Variants in CDH11 observed in about 807,000 individuals in gnomAD.
The protein encoded by CDH11 is cadherin 11, also known as cadherin-11.
CDH11 carries 11 observed loss-of-function variants against 67.8 expected under a neutral mutation model. The observed-to-expected ratio is 0.16, with a 90% confidence interval of 0.10 to 0.27. CDH11 has a LOEUF of 0.27. CDH11 is among the 10% of genes least tolerant of loss of function. The probability of loss-of-function intolerance (pLI) is 1.00; values close to 1 mark genes in which losing one functional copy is unlikely to be tolerated. For missense variants in CDH11, 847 were observed against 1,031.2 expected (o/e 0.82, Z 2.45); for synonymous variants, 419 against 400.0 (o/e 1.05, Z -0.57).
intron 1 of CDH11, among the ~76,000 whole-genome samples, chr16:65,078,651 A>C (rs1281316342): frequency 6.6e-6 from 1 of 152,116 alleles, no homozygotes; most frequent in African/African-American, 2.4e-5. Context: ...TTTTTTGATC[A>C]ATAAGTCATC....
intron 2 of CDH11, among the ~76,000 whole-genome samples, chr16:65,022,580 G>A (rs1235891571): frequency 6.6e-6 from 1 of 152,164 alleles, no homozygotes; most frequent in Admixed American, 6.5e-5. Flanking sequence ...GTAGCAAAGT[G>A]TTAAAGTTAC....
At chr16:65,046,365 A>G (rs959231908) in intron 2 of CDH11, among the ~76,000 whole-genome samples, 5 of 152,204 alleles carry the variant, frequency 3.3e-5, no homozygotes, top group Non-Finnish European at 7.3e-5. Flanking sequence ...TTGAGGAGGC[A>G]GAGAAAATCC....
rs1205242103 is a variant in CDH11 at position 65,121,868 on chromosome 16, G to A, written c.-298+12C>T. On this transcript the variant is annotated intron_variant, in intron 1 of 12. Coordinates refer to ENST00000268603, the MANE Select transcript of CDH11 (RefSeq NM_001797.4). The surrounding 1 kb of genome is among the most constrained non-coding windows in gnomAD (Gnocchi z 4.1). ...AACCAGGCGAGAGGAAGGGACTGGCGGCGCACCTCACCTGGGGCCCTTGAG... is the reference window on the plus strand; with the variant it reads ...AACCAGGCGAGAGGAAGGGACTGGCAGCGCACCTCACCTGGGGCCCTTGAG... 2.8e-6 allele frequency: 2 copies of A among 701,870 alleles called. No individual in the cohort carries two copies. The highest frequency in any genetic ancestry group is 5.2e-6 in the Non-Finnish European group (2 of 384,622). 43.5% of individuals were successfully genotyped at this position (701,870 alleles called of 1,614,324 possible).
intron 2 of CDH11, 35 bp downstream of exon 2, chr16:65,053,769 T>C (rs1450865486): frequency 4.4e-6 from 2 of 455,626 alleles, no homozygotes; most frequent in East Asian, 1.4e-4. Context: ...TACATAGTAA[T>C]ATGTGAATTG....
intron 11 of CDH11, among the ~76,000 whole-genome samples, chr16:64,953,398 C>A (rs775640654): frequency 6.6e-6 from 1 of 151,936 alleles, no homozygotes; most frequent in South Asian, 2.1e-4. Context: ...TCTAGTAGAC[C>A]TGATATGACC....
chr16:65,093,570 A>G lies in CDH11; in HGVS notation c.-298+28310T>C, dbSNP rs751098176. The stretch of plus-strand genomic sequence containing the variant: ...TTTCGACATGAATTTTGAAGGAGAC[A>G]TGATCCTTCAAACCATAGCAGTGTG... On this transcript the variant is annotated intron_variant, in intron 1 of 12. Transcript: ENST00000268603. Among the ~76,000 whole-genome samples the G allele has an allele frequency of 1.6e-4, 25 of 152,146 alleles. No individual in the cohort carries two copies. The East Asian group carries it at 1.7e-3, about 11-fold the overall frequency.
In CDH11 at chr16:64,944,914, C is replaced by T. The variant is rs1275979185; in HGVS notation, c.*2689G>A. 3 of 218,238 alleles carry T rather than the reference C, an allele frequency of 1.4e-5. No individual in the cohort carries two copies. The highest frequency in any genetic ancestry group is 2.8e-5 in the Non-Finnish European group (3 of 108,788). 13.5% of individuals were successfully genotyped at this position (218,238 alleles called of 1,614,324 possible). ...AATAGGTAAATAGGTGATTATAAGACAACAAGGTGGATACTTTGGTACAGG... is the reference window on the plus strand; with the variant it reads ...AATAGGTAAATAGGTGATTATAAGATAACAAGGTGGATACTTTGGTACAGG... On this transcript the variant is annotated 3_prime_UTR_variant, in exon 13 of 13. Coordinates refer to ENST00000268603, the MANE Select transcript of CDH11 (RefSeq NM_001797.4).
At chr16:65,036,061 A>G (rs187134717) in intron 2 of CDH11, among the ~76,000 whole-genome samples, 1 of 152,292 alleles carries the variant, frequency 6.6e-6, no homozygotes, top group African/African-American at 2.4e-5. Flanking sequence ...CATGCTGAAC[A>G]CTATGCTAAG....
chr16:65,026,188 C>A (rs1166843186), intron 2 of CDH11, among the ~76,000 whole-genome samples: 4 of 152,088 alleles, frequency 2.6e-5, no homozygotes, highest in Non-Finnish European at 5.9e-5. Flanking sequence ...TACTAATTAG[C>A]TTTTTTAATT....
At chr16:65,065,881 T>C (rs1338043839) in intron 1 of CDH11, among the ~76,000 whole-genome samples, 1 of 152,234 alleles carries the variant, frequency 6.6e-6, no homozygotes, top group African/African-American at 2.4e-5. Context: ...CCAAGCCTGC[T>C]ATGTTCCAGA....
At chr16:64,966,881 A>C (rs2071845762) in intron 11 of CDH11, among the ~76,000 whole-genome samples, 1 of 152,216 alleles carries the variant, frequency 6.6e-6, no homozygotes, top group Non-Finnish European at 1.5e-5. Flanking sequence ...ATAGATGAAC[A>C]GACTTTACAA....
At chr16:65,102,029 C>A (rs924767670) in intron 1 of CDH11, among the ~76,000 whole-genome samples, 1 of 152,106 alleles carries the variant, frequency 6.6e-6, no homozygotes, top group African/African-American at 2.4e-5. Context: ...ACAATATAGA[C>A]ATGTATTCTT....
At chr16:65,001,902 G>A (rs1161638492) in intron 3 of CDH11, among the ~76,000 whole-genome samples, 1 of 151,954 alleles carries the variant, frequency 6.6e-6, no homozygotes, top group African/African-American at 2.4e-5. Flanking sequence ...AAGATGAATG[G>A]CTTCCCTCTC....
At chr16:65,069,141 T>C (rs1392618664) in intron 1 of CDH11, among the ~76,000 whole-genome samples, 3 of 152,270 alleles carry the variant, frequency 2.0e-5, no homozygotes, top group East Asian at 1.9e-4. Context: ...CTTGTTGTAA[T>C]AGGAGAACGT....
chr16:65,091,799 A>G (rs2074797709), intron 1 of CDH11, among the ~76,000 whole-genome samples: 1 of 152,078 alleles, frequency 6.6e-6, no homozygotes, highest in Non-Finnish European at 1.5e-5. Context: ...GATCCACCCG[A>G]GATTAGGCCT....
intron 1 of CDH11, among the ~76,000 whole-genome samples, chr16:65,071,442 A>G (rs2074414747): frequency 6.6e-6 from 1 of 152,218 alleles, no homozygotes; most frequent in African/African-American, 2.4e-5. Context: ...GTCCACTTTG[A>G]ATCACAGTGA....
intron 1 of CDH11, among the ~76,000 whole-genome samples, chr16:65,087,180 C>T (rs1294263575): frequency 2.0e-5 from 3 of 152,140 alleles, no homozygotes; most frequent in Non-Finnish European, 4.4e-5. Flanking sequence ...ATTGCTTCCT[C>T]CAACAATGAC....
Position 65,053,943 on chromosome 16 carries a change from AG to A in CDH11, c.-297-16del. 1 of 456,036 alleles carries A rather than the reference AG, an allele frequency of 2.2e-6. No homozygotes were observed. Among genetic ancestry groups the A allele is most frequent in the Non-Finnish European group, 4.4e-6 (1 of 226,766 alleles). 28.2% of individuals were successfully genotyped at this position (456,036 alleles called of 1,614,324 possible). ...CACAGTGATTTCTGCAAAAAGTGAA[AG>A]GATCATTAGTAACCTAGTGGTGCCA... is the stretch of plus-strand genomic sequence containing the variant. On this transcript the variant is annotated splice_polypyrimidine_tract_variant and intron_variant, in intron 1 of 12. Transcript: ENST00000268603.
At chr16:64,977,952 T>C (rs35218) in intron 8 of CDH11, among the ~76,000 whole-genome samples, 39,694 of 152,184 alleles carry the variant, frequency 0.26, 5,994 homozygotes, top group Middle Eastern at 0.36. Context: ...ACACCACTTA[T>C]AGTTGGGAAT....
Sources: gnomAD v4.1 joint callset for allele counts (sites outside exome capture counted in the v4.1 genomes callset) on GRCh38, gnomAD v4.1.1 for gene constraint, Gnocchi (gnomAD v3.1) non-coding constraint, MANE v1.5 for transcripts, NCBI Gene and HGNC (gene_info 2026-07-23, HGNC 2026-07-21) for gene names.